Variants in NFIB observed in about 807,000 individuals in gnomAD.
The protein encoded by NFIB is nuclear factor 1 B-type.
In NFIB, 11 loss-of-function variants were observed where a neutral mutation model predicts 61.5. The observed-to-expected ratio is 0.18, with a 90% confidence interval of 0.11 to 0.30. NFIB has a LOEUF of 0.30. NFIB is among the 10% of genes least tolerant of loss of function. NFIB has a pLI of 1.00. For missense variants in NFIB, 471 were observed against 608.9 expected (o/e 0.77, Z 2.38); for synonymous variants, 260 against 216.5 (o/e 1.20, Z -1.76).
chr9:14,247,042 CT>C (rs1365814511), intron 2 of NFIB, among the ~76,000 whole-genome samples: 1 of 152,084 alleles, frequency 6.6e-6, no homozygotes, highest in Non-Finnish European at 1.5e-5. Flanking sequence ...AAGCAGGTGG[CT>C]GTCTGCAAAC....
At chr9:14,362,825 C>G (rs2061255643) in intron 1 of NFIB, 1 of 152,028 alleles carries the variant, frequency 6.6e-6, no homozygotes, top group Non-Finnish European at 1.5e-5. Context: ...GGGCCCAGGT[C>G]GTTGAGGCTG....
chr9:14,356,092 G>A (rs888050132), intron 1 of NFIB, among the ~76,000 whole-genome samples: 6 of 152,082 alleles, frequency 3.9e-5, no homozygotes, highest in East Asian at 1.9e-4. Context: ...ACTAGTACAC[G>A]TTTTAAATAA....
chr9:14,420,539 C>T, the NFIB span, among the ~76,000 whole-genome samples: 2 of 150,354 alleles, frequency 1.3e-5, no homozygotes, highest in Admixed American at 6.6e-5. Context: ...ATTTTCATTC[C>T]TCCCACTCCT....
At chr9:14,168,158 G>A (rs1342927383) in intron 3 of NFIB, among the ~76,000 whole-genome samples, 1 of 152,100 alleles carries the variant, frequency 6.6e-6, no homozygotes, top group African/African-American at 2.4e-5. Flanking sequence ...TCTGAGTAAG[G>A]GAATGATCCC....
At chr9:14,155,176 T>C (rs745824858) in intron 4 of NFIB, among the ~76,000 whole-genome samples, 9 of 152,308 alleles carry the variant, frequency 5.9e-5, no homozygotes, top group African/African-American at 2.2e-4. Flanking sequence ...TGTTTGTACA[T>C]GCTAGTAATA....
chr9:14,222,639 C>T lies in NFIB; in HGVS notation c.563-42859G>A, dbSNP rs373849914. Among the ~76,000 whole-genome samples the T allele has an allele frequency of 2.0e-5, 3 of 151,390 alleles. No homozygotes were observed. The East Asian group carries it at 5.8e-4, about 29-fold the overall frequency. ...GCAACAAAGTGAGACCCCATTGCTA[C>T]AAAAAATTAGCCAGGCATGGTGGCA... On this transcript the variant is annotated intron_variant, in intron 2 of 10. Transcript: ENST00000380953.
At chr9:14,336,001 G>C (rs1172516431) in intron 1 of NFIB, among the ~76,000 whole-genome samples, 1 of 152,078 alleles carries the variant, frequency 6.6e-6, no homozygotes, top group Non-Finnish European at 1.5e-5. Context: ...GTCTATTTCT[G>C]TTTTTCTATT....
chr9:14,183,380 C>T (rs952911414), intron 2 of NFIB, among the ~76,000 whole-genome samples: 3 of 151,828 alleles, frequency 2.0e-5, no homozygotes, highest in African/African-American at 7.3e-5. Flanking sequence ...GCCCAGCATA[C>T]TGGGTCTGGT....
the NFIB span, among the ~76,000 whole-genome samples, chr9:14,406,745 T>A: frequency 2.6e-5 from 4 of 152,202 alleles, no homozygotes; most frequent in African/African-American, 7.2e-5. Flanking sequence ...AAGGTGCACA[T>A]GGACTGTGTC....
chr9:14,525,764 A>T, the NFIB span, among the ~76,000 whole-genome samples: 7 of 152,210 alleles, frequency 4.6e-5, no homozygotes, highest in Admixed American at 1.3e-4. Context: ...TTCCCACAAA[A>T]ATGTTCATGT....
chr9:14,082,053 C>T lies in NFIB; in HGVS notation c.*6256G>A, dbSNP rs978393599. 2 of 210,568 alleles carry T rather than the reference C, an allele frequency of 9.5e-6. No homozygotes were observed. Among genetic ancestry groups the T allele is most frequent in the East Asian group, 1.4e-4 (2 of 14,116 alleles). The allele number at this position is 210,568 out of a possible 1,614,324, so 13.0% of individuals were successfully genotyped here. ...CAACCCACAAAAAGTACCCAAAGAA[C>T]GTTATCCTCCAACCGGGCACAATAA... is the stretch of plus-strand genomic sequence containing the variant. On this transcript the variant is annotated 3_prime_UTR_variant, in exon 11 of 11. Transcript: ENST00000380953.
chr9:14,438,203 G>A, the NFIB span, among the ~76,000 whole-genome samples: 1 of 152,120 alleles, frequency 6.6e-6, no homozygotes, highest in African/African-American at 2.4e-5. Flanking sequence ...ACACACTCAT[G>A]GAAATAAATC....
intron 2 of NFIB, among the ~76,000 whole-genome samples, chr9:14,245,457 C>G (rs368476408): frequency 4.7e-4 from 71 of 151,064 alleles, no homozygotes; most frequent in African/African-American, 1.4e-3. Context: ...CAGAACAAAA[C>G]AAAACAGAAA....
chr9:14,281,660 C>A (rs2058376078), intron 2 of NFIB, among the ~76,000 whole-genome samples: 1 of 152,142 alleles, frequency 6.6e-6, no homozygotes, highest in African/African-American at 2.4e-5. Context: ...AGTGAACATA[C>A]CAACTCCATA....
chr9:14,261,464 T>C (rs2056747757), intron 2 of NFIB, among the ~76,000 whole-genome samples: 1 of 152,212 alleles, frequency 6.6e-6, no homozygotes, highest in Non-Finnish European at 1.5e-5. Context: ...TTGAGTCCAT[T>C]GTAGGGGCCA....
chr9:14,510,063 T>C, the NFIB span, among the ~76,000 whole-genome samples: 1 of 152,086 alleles, frequency 6.6e-6, no homozygotes, highest in Non-Finnish European at 1.5e-5. Flanking sequence ...GCCCAGATAA[T>C]TTTTATATTG....
At chr9:14,280,247 G>A (rs1291762345) in intron 2 of NFIB, among the ~76,000 whole-genome samples, 2 of 152,078 alleles carry the variant, frequency 1.3e-5, no homozygotes, top group Non-Finnish European at 2.9e-5. Flanking sequence ...CTAGTTGTGT[G>A]ACCCTGGGCA....
chr9:14,125,616 G>A lies in NFIB; in HGVS notation c.1060+16C>T, dbSNP rs772656182. 4 of 1,613,680 alleles carry A rather than the reference G, an allele frequency of 2.5e-6. No individual in the cohort carries two copies. Among genetic ancestry groups the A allele is most frequent in the Non-Finnish European group, 3.4e-6 (4 of 1,179,902 alleles). On this transcript the variant is annotated intron_variant, in intron 7 of 10. Coordinates refer to ENST00000380953, the MANE Select transcript of NFIB (RefSeq NM_001190737.2). ...GACAAGAAGGAGGCTTCTCCTCTAT[G>A]CTTGAAACTCCTCACCACTGTGTGC...
intron 2 of NFIB, among the ~76,000 whole-genome samples, chr9:14,222,875 A>G (rs943083503): frequency 2.0e-5 from 3 of 151,560 alleles, no homozygotes; most frequent in African/African-American, 7.3e-5. Flanking sequence ...CTTCTTTCCT[A>G]CTCTTTGGAC....
Sources: allele counts gnomAD v4.1 joint callset (sites outside exome capture counted in the v4.1 genomes callset), GRCh38; gene constraint gnomAD v4.1.1; transcripts MANE v1.5; gene names NCBI Gene and HGNC (gene_info 2026-07-23, HGNC 2026-07-21).